Variants in CTNNA3 observed in about 807,000 individuals in gnomAD.
The protein encoded by CTNNA3 is catenin alpha-3.
Under a neutral mutation model 95.7 loss-of-function variants are expected in CTNNA3, and 76 were observed. The observed-to-expected ratio is 0.79, with a 90% CI of 0.66 to 0.96. The LOEUF (loss-of-function observed/expected upper bound fraction) is 0.96, where lower values mean the gene tolerates loss of function less well. Among genes scored for constraint, CTNNA3 ranks in the 40% least tolerant of loss-of-function variants. The probability of loss-of-function intolerance (pLI) is 0.00; values close to 1 mark genes in which losing one functional copy is unlikely to be tolerated. For missense variants in CTNNA3, 1,191 were observed against 1,089.8 expected, an observed-to-expected ratio of 1.09 and a Z score of -1.31; for synonymous variants, 431 against 374.4, an observed-to-expected ratio of 1.15 and a Z score of -1.74.
chr10:66,558,770 G>C (rs866898308), intron 10 of CTNNA3, among the ~76,000 whole-genome samples: 79 of 152,138 alleles, frequency 5.2e-4, no homozygotes, highest in African/African-American at 1.8e-3. Context: ...AAACTGCTGT[G>C]GGGGAAATGA....
chr10:67,337,242 T>A (rs191939868), intron 5 of CTNNA3, among the ~76,000 whole-genome samples: 1 of 152,184 alleles, frequency 6.6e-6, no homozygotes, highest in Non-Finnish European at 1.5e-5. Flanking sequence ...AAGAAGTCAA[T>A]TCCAACCTGC....
intron 5 of CTNNA3, among the ~76,000 whole-genome samples, chr10:67,420,973 T>C (rs1445108082): frequency 6.6e-6 from 1 of 152,160 alleles, no homozygotes; most frequent in Non-Finnish European, 1.5e-5. Context: ...ATAATGAGTA[T>C]GCCACAGACA....
chr10:67,548,135 G>A (rs1460148619), intron 3 of CTNNA3, among the ~76,000 whole-genome samples: 2 of 152,102 alleles, frequency 1.3e-5, no homozygotes, highest in Non-Finnish European at 2.9e-5. Context: ...TAACAAGTGA[G>A]TTCTTGCTCA....
chr10:65,962,791 G>A (rs1047618971), intron 17 of CTNNA3, among the ~76,000 whole-genome samples: 5 of 150,504 alleles, frequency 3.3e-5, no homozygotes, highest in African/African-American at 1.2e-4. Flanking sequence ...CCACTTACGA[G>A]TGAGAACATG....
At chr10:66,151,049 A>T (rs1479681832) in intron 13 of CTNNA3, among the ~76,000 whole-genome samples, 2 of 152,160 alleles carry the variant, frequency 1.3e-5, no homozygotes, top group Middle Eastern at 3.4e-3. Flanking sequence ...TTAAAATGCA[A>T]TTATAAAATT....
intron 9 of CTNNA3, among the ~76,000 whole-genome samples, chr10:66,627,755 G>A (rs569842935): frequency 6.6e-6 from 1 of 152,262 alleles, no homozygotes; most frequent in East Asian, 1.9e-4. Context: ...TGCACATACA[G>A]ATAAGTGTCT....
intron 2 of CTNNA3, among the ~76,000 whole-genome samples, chr10:67,623,681 G>C (rs1229638908): frequency 6.6e-6 from 1 of 152,094 alleles, no homozygotes; most frequent in Non-Finnish European, 1.5e-5. Context: ...CCATATGAGA[G>C]AGTGCAGCAC....
intron 9 of CTNNA3, among the ~76,000 whole-genome samples, chr10:66,741,972 G>A (rs1249858576): frequency 6.6e-6 from 1 of 152,146 alleles, no homozygotes; most frequent in Admixed American, 6.5e-5. Flanking sequence ...TGTAGAGCAT[G>A]TGTGTTTGAA....
At chr10:67,361,757 A>G (rs923477549) in intron 5 of CTNNA3, among the ~76,000 whole-genome samples, 2 of 152,162 alleles carry the variant, frequency 1.3e-5, no homozygotes, top group Non-Finnish European at 2.9e-5. Context: ...AACAGAAAAT[A>G]TAAATATCTA....
chr10:66,131,278 C>T (rs186776190), intron 13 of CTNNA3, among the ~76,000 whole-genome samples: 13 of 152,062 alleles, frequency 8.5e-5, no homozygotes, highest in Admixed American at 2.0e-4. Flanking sequence ...GGAAGACTTC[C>T]GGCCAATATC....
chr10:66,337,703 A>G (rs1263090083), intron 12 of CTNNA3, among the ~76,000 whole-genome samples: 1 of 152,186 alleles, frequency 6.6e-6, no homozygotes, highest in African/African-American at 2.4e-5. Context: ...ATGAGATGTC[A>G]TTTCATAGCC....
rs753116343 is a variant in CTNNA3 at position 67,208,576 on chromosome 10, T to C, written c.843+11031A>G. Among the ~76,000 whole-genome samples, 75 of 152,076 alleles carry C rather than the reference T, an allele frequency of 4.9e-4. No homozygotes were observed. In the Middle Eastern group the frequency reaches 0.017, roughly 34 times the overall value. On this transcript the variant is annotated intron_variant, in intron 6 of 17. Coordinates refer to ENST00000433211, the MANE Select transcript of CTNNA3 (RefSeq NM_013266.4). The stretch of plus-strand genomic sequence containing the variant: ...GGATATGCAAAGTATGAGACAAAAA[T>C]TAAAAGCCACAAGACTCATCCAGAC...
chr10:67,307,435 T>C (rs1714657660), intron 5 of CTNNA3, among the ~76,000 whole-genome samples: 1 of 152,228 alleles, frequency 6.6e-6, no homozygotes, highest in African/African-American at 2.4e-5. Flanking sequence ...CCTGAATCTC[T>C]GCCTTCTATA....
rs150389357 is a variant in CTNNA3 at position 66,998,018 on chromosome 10, C to T, written c.1047+182299G>A. The stretch of plus-strand genomic sequence containing the variant: ...GATTTTTCTAACTGGCCTCCCTGCC[C>T]ACCAGGCTCAGTTTCATCCCCTCAT... On this transcript the variant is annotated intron_variant, in intron 7 of 17. Coordinates refer to ENST00000433211, the MANE Select transcript of CTNNA3 (RefSeq NM_013266.4). Among the ~76,000 whole-genome samples the T allele has an allele frequency of 4.3e-4, 66 of 152,274 alleles. 1 individual carries two copies. The East Asian group carries it at 0.012, about 28-fold the overall frequency.
chr10:67,342,540 C>T (rs1448621295), intron 5 of CTNNA3, among the ~76,000 whole-genome samples: 1 of 152,126 alleles, frequency 6.6e-6, no homozygotes, highest in Non-Finnish European at 1.5e-5. Flanking sequence ...AGATTTTCTC[C>T]AACGTTTTCT....
chr10:66,515,440 T>C (rs1006129105), intron 11 of CTNNA3, among the ~76,000 whole-genome samples: 1 of 151,978 alleles, frequency 6.6e-6, no homozygotes, highest in Non-Finnish European at 1.5e-5. Context: ...TTTCCCTAAG[T>C]AATTCACAAC....
chr10:66,506,797 T>A (rs1164161852), intron 11 of CTNNA3, among the ~76,000 whole-genome samples: 1 of 152,172 alleles, frequency 6.6e-6, no homozygotes, highest in African/African-American at 2.4e-5. Flanking sequence ...ATTGAACCAC[T>A]TCATGGCTTG....
intron 7 of CTNNA3, among the ~76,000 whole-genome samples, chr10:66,874,924 T>C (rs1340192155): frequency 6.6e-6 from 1 of 152,188 alleles, no homozygotes; most frequent in African/African-American, 2.4e-5. Flanking sequence ...TGCCTCCATT[T>C]GGCTTACAGT....
chr10:66,518,044 G>A (rs117717266), intron 11 of CTNNA3, among the ~76,000 whole-genome samples: 2,363 of 152,062 alleles, frequency 0.016, 30 homozygotes, highest in Non-Finnish European at 0.022. Context: ...CGTTTGCTAG[G>A]GCTAGTAACC....
Sources: allele counts gnomAD v4.1 joint callset (sites outside exome capture counted in the v4.1 genomes callset), GRCh38; gene constraint gnomAD v4.1.1; transcripts MANE v1.5; gene names NCBI Gene and HGNC (gene_info 2026-07-23, HGNC 2026-07-21).